SNTG1: variants seen among roughly 807,000 people sequenced by gnomAD.
The protein encoded by SNTG1 is syntrophin gamma 1, also known as gamma-1-syntrophin.
SNTG1 carries 39 observed loss-of-function variants against 74.7 expected under a neutral mutation model. That is an observed-to-expected ratio of 0.52 (90% CI 0.40 to 0.68). The LOEUF (loss-of-function observed/expected upper bound fraction) is 0.68, where lower values mean the gene tolerates loss of function less well. Among genes scored for constraint, SNTG1 ranks in the 30% least tolerant of loss-of-function variants. The pLI, the probability that SNTG1 is intolerant of heterozygous loss-of-function variation, is 0.00. For missense variants in SNTG1, 685 were observed against 609.5 expected (o/e 1.12, Z -1.30); for synonymous variants, 254 against 217.1 (o/e 1.17, Z -1.49).
At chr8:50,011,082 T>C (rs1250508485) in intron 1 of SNTG1, among the ~76,000 whole-genome samples, 4 of 152,154 alleles carry the variant, frequency 2.6e-5, no homozygotes, top group Non-Finnish European at 4.4e-5. Flanking sequence ...CATATATGCT[T>C]GTGACTTCAC....
Position 50,449,648 on chromosome 8 carries a change from A to G in SNTG1, c.220-20A>G, listed in dbSNP as rs1292718980. 3 of 1,574,828 alleles carry G rather than the reference A, an allele frequency of 1.9e-6. No individual in the cohort carries two copies. Among genetic ancestry groups the G allele is most frequent in the South Asian group, 1.2e-5 (1 of 83,406 alleles). ...TTTTTTTTAGATTAAAAAGTACAATATATGATTTTCTCTTTTCAGGGAGGA... is the reference window on the plus strand; with the variant it reads ...TTTTTTTTAGATTAAAAAGTACAATGTATGATTTTCTCTTTTCAGGGAGGA... On this transcript the variant is annotated intron_variant, in intron 5 of 18. Coordinates refer to ENST00000642720, the MANE Select transcript of SNTG1 (RefSeq NM_018967.5).
At chr8:49,976,699 G>A (rs866945893) in intron 1 of SNTG1, among the ~76,000 whole-genome samples, 9 of 152,110 alleles carry the variant, frequency 5.9e-5, no homozygotes, top group Non-Finnish European at 1.0e-4. Context: ...GAGCGGAGGC[G>A]CCCAGGTAGG....
chr8:50,601,446 T>C (rs914729100), intron 13 of SNTG1, among the ~76,000 whole-genome samples: 1 of 152,258 alleles, frequency 6.6e-6, no homozygotes, highest in Middle Eastern at 3.4e-3. Context: ...ATTCCTCTTG[T>C]TATTTATTTC....
chr8:50,101,822 C>T (rs1359664645), intron 1 of SNTG1, among the ~76,000 whole-genome samples: 1 of 151,152 alleles, frequency 6.6e-6, no homozygotes, highest in African/African-American at 2.4e-5. Flanking sequence ...GGTTTTTTGT[C>T]CTTGCGATAG....
At chr8:49,920,055 A>G (rs1299563991) in intron 1 of SNTG1, among the ~76,000 whole-genome samples, 2 of 152,098 alleles carry the variant, frequency 1.3e-5, no homozygotes, top group Non-Finnish European at 2.9e-5. Flanking sequence ...TCTCAACTTA[A>G]GAATCCTTTT....
chr8:50,492,754 A>G (rs1247543092), intron 8 of SNTG1, among the ~76,000 whole-genome samples: 3 of 152,258 alleles, frequency 2.0e-5, no homozygotes, highest in East Asian at 1.9e-4. Context: ...GTATTTGTCA[A>G]TTTTGGCTTT....
intron 8 of SNTG1, among the ~76,000 whole-genome samples, chr8:50,467,749 C>A (rs75616404): frequency 1.3e-5 from 2 of 151,952 alleles, no homozygotes; most frequent in East Asian, 3.9e-4. Context: ...TTTTAACCTT[C>A]TTTACTAATA....
chr8:50,312,925 G>T (rs548885572), intron 2 of SNTG1, among the ~76,000 whole-genome samples: 1 of 150,002 alleles, frequency 6.7e-6, no homozygotes, highest in Non-Finnish European at 1.5e-5. Flanking sequence ...ATCATGTGCA[G>T]TCAGATGCCC....
chr8:50,445,576 A>G lies in SNTG1; in HGVS notation c.220-4092A>G, dbSNP rs150183476. On this transcript the variant is annotated intron_variant, in intron 5 of 18. Transcript: ENST00000642720. ...TATACATCCTTCTTCCTACAGAGCT[A>G]GCTATAAAATCCACTATGCTTTGTA... Among the ~76,000 whole-genome samples, 204 of 152,332 alleles carry G rather than the reference A, an allele frequency of 1.3e-3. 1 individual carries two copies. The highest frequency in any genetic ancestry group is 0.01 in the Middle Eastern group (3 of 294).
chr8:49,951,524 C>T (rs931431527), intron 1 of SNTG1, among the ~76,000 whole-genome samples: 2 of 151,426 alleles, frequency 1.3e-5, no homozygotes, highest in African/African-American at 2.4e-5. Context: ...AACCAAACAC[C>T]GCATATTCTC....
At chr8:50,517,476 A>G (rs2094143116) in intron 9 of SNTG1, among the ~76,000 whole-genome samples, 1 of 152,174 alleles carries the variant, frequency 6.6e-6, no homozygotes, top group Non-Finnish European at 1.5e-5. Flanking sequence ...AAATGCCCCA[A>G]TTAAAAGATA....
intron 1 of SNTG1, among the ~76,000 whole-genome samples, chr8:50,089,349 A>C (rs1418440596): frequency 6.7e-6 from 1 of 150,320 alleles, no homozygotes; most frequent in Non-Finnish European, 1.5e-5. Context: ...GGCATGGGCA[A>C]GGACTTCATG....
chr8:49,945,819 G>A (rs535806238), intron 1 of SNTG1, among the ~76,000 whole-genome samples: 1 of 152,202 alleles, frequency 6.6e-6, no homozygotes, highest in South Asian at 2.1e-4. Flanking sequence ...CAGGAAAGGA[G>A]CAGGCCCGGA....
intron 8 of SNTG1, among the ~76,000 whole-genome samples, chr8:50,498,921 T>C (rs964651460): frequency 2.0e-5 from 3 of 151,460 alleles, no homozygotes; most frequent in Admixed American, 2.0e-4. Flanking sequence ...TTTCTGGACA[T>C]ATATTATATT....
At chr8:50,546,201 CTT>C (rs1392747834) in intron 11 of SNTG1, among the ~76,000 whole-genome samples, 1 of 151,272 alleles carries the variant, frequency 6.6e-6, no homozygotes, top group Non-Finnish European at 1.5e-5. Context: ...TTGGGGATGA[CTT>C]TGGATAGAAT....
At chr8:50,327,477 C>T (rs966441907) in intron 2 of SNTG1, among the ~76,000 whole-genome samples, 2 of 152,000 alleles carry the variant, frequency 1.3e-5, no homozygotes, top group Non-Finnish European at 2.9e-5. Context: ...GTCTTTCTAC[C>T]CCAGCTTTCT....
At chr8:50,212,259 G>A (rs932773938) in intron 2 of SNTG1, among the ~76,000 whole-genome samples, 1 of 152,086 alleles carries the variant, frequency 6.6e-6, no homozygotes, top group Non-Finnish European at 1.5e-5. Flanking sequence ...TTTCTTTCCT[G>A]TGTTCATCCA....
At chr8:50,008,092 T>C (rs1181989279) in intron 1 of SNTG1, among the ~76,000 whole-genome samples, 1 of 152,054 alleles carries the variant, frequency 6.6e-6, no homozygotes, top group Non-Finnish European at 1.5e-5. Flanking sequence ...AAGATGAGAT[T>C]TGAGTGGGGA....
intron 2 of SNTG1, among the ~76,000 whole-genome samples, chr8:50,315,627 G>A (rs1397774595): frequency 6.7e-6 from 1 of 149,974 alleles, no homozygotes; most frequent in African/African-American, 2.5e-5. Flanking sequence ...AACCTGCAGT[G>A]TAGAACTAAA....
Sources: gnomAD v4.1 joint callset for allele counts (sites outside exome capture counted in the v4.1 genomes callset) on GRCh38, gnomAD v4.1.1 for gene constraint, MANE v1.5 for transcripts, NCBI Gene and HGNC (gene_info 2026-07-23, HGNC 2026-07-21) for gene names.